The following DLC1 variants were observed in gnomAD, a reference collection of about 807,000 sequenced individuals.
DLC1 encodes rho GTPase-activating protein 7.
In DLC1, 54 loss-of-function variants were observed where a neutral mutation model predicts 140.3. The observed-to-expected ratio is 0.38, with a 90% CI of 0.31 to 0.48. The LOEUF (loss-of-function observed/expected upper bound fraction) is 0.48. DLC1 is among the 20% of genes least tolerant of loss of function. The probability of loss-of-function intolerance (pLI) is 0.96; values close to 1 mark genes in which losing one functional copy is unlikely to be tolerated. For synonymous variants in DLC1, 986 were observed against 728.1 expected (o/e 1.35, Z -5.70); for missense variants, 2,536 against 1,907.0 (o/e 1.33, Z -6.14).
intron 3 of DLC1, among the ~76,000 whole-genome samples, chr8:13,397,989 G>T (rs11784587): frequency 6.6e-6 from 1 of 151,568 alleles, no homozygotes; most frequent in Non-Finnish European, 1.5e-5. Flanking sequence ...AAATTAGCTG[G>T]GCATGGTGGT....
chr8:13,167,781 C>T (rs932948684), intron 5 of DLC1, among the ~76,000 whole-genome samples: 7 of 152,170 alleles, frequency 4.6e-5, no homozygotes, highest in African/African-American at 1.7e-4. Flanking sequence ...ATGGCATTAC[C>T]TGCATGTATT....
chr8:13,204,435 G>T (rs901880108), intron 5 of DLC1, among the ~76,000 whole-genome samples: 7 of 152,144 alleles, frequency 4.6e-5, no homozygotes, highest in Admixed American at 2.6e-4. Context: ...GTCCGCTTTA[G>T]TATTTTGCTG....
intron 5 of DLC1, among the ~76,000 whole-genome samples, chr8:13,176,437 G>C (rs1200790811): frequency 6.6e-6 from 1 of 152,120 alleles, no homozygotes; most frequent in African/African-American, 2.4e-5. Flanking sequence ...AGATTAGCTG[G>C]GAGTGGCAGC....
chr8:13,194,189 G>C (rs1019838184), intron 5 of DLC1, among the ~76,000 whole-genome samples: 2 of 152,112 alleles, frequency 1.3e-5, no homozygotes, highest in Non-Finnish European at 1.5e-5. Context: ...CATTTTTCCA[G>C]TAAACTAAGG....
At chr8:13,220,581 T>C (rs959253144) in intron 5 of DLC1, among the ~76,000 whole-genome samples, 1 of 152,176 alleles carries the variant, frequency 6.6e-6, no homozygotes, top group African/African-American at 2.4e-5. Flanking sequence ...AAATACTATT[T>C]TCCTGTGCCT....
intron 2 of DLC1, among the ~76,000 whole-genome samples, chr8:13,482,975 G>T (rs1032763468): frequency 7.2e-5 from 11 of 152,184 alleles, no homozygotes; most frequent in African/African-American, 2.4e-4. Flanking sequence ...AAACTTAACT[G>T]TTCTAAAACA....
At chr8:13,189,999 A>T (rs555110415) in intron 5 of DLC1, among the ~76,000 whole-genome samples, 1 of 152,314 alleles carries the variant, frequency 6.6e-6, no homozygotes, top group East Asian at 1.9e-4. Flanking sequence ...CAAAAGACAT[A>T]TGATGAAGCC....
intron 5 of DLC1, among the ~76,000 whole-genome samples, chr8:13,301,035 G>T (rs200339516): frequency 6.6e-6 from 1 of 152,052 alleles, no homozygotes; most frequent in Non-Finnish European, 1.5e-5. Context: ...GCCTGGGAGC[G>T]GCAGGAGAAC....
chr8:13,115,473 A>T (rs1056236210), intron 6 of DLC1, 113 bp downstream of exon 6: 74 of 899,966 alleles, frequency 8.2e-5, no homozygotes, highest in Non-Finnish European at 9.6e-5. Flanking sequence ...ATTTTTTTTA[A>T]AAATAAAACA....
At chr8:13,252,353 G>A (rs1361449987) in intron 5 of DLC1, among the ~76,000 whole-genome samples, 3 of 152,164 alleles carry the variant, frequency 2.0e-5, no homozygotes, top group Non-Finnish European at 4.4e-5. Context: ...GGCCACTCAC[G>A]TTTAGGCTTC....
intron 5 of DLC1, among the ~76,000 whole-genome samples, chr8:13,274,245 T>C (rs1831070996): frequency 6.6e-6 from 1 of 152,188 alleles, no homozygotes; most frequent in Admixed American, 6.5e-5. Context: ...CAAGTCAATC[T>C]TCATTTGACT....
Position 13,499,647 on chromosome 8 carries a change from T to G in DLC1, c.425A>C (p.Gln142Pro). The change falls in exon 2 of 18, where the codon CAA (glutamine) becomes CCA (proline). Residue 142 changes from glutamine (Q) to proline (P), a missense_variant. Gln to Pro is a moderately conservative substitution (Grantham distance 76). Coordinates refer to ENST00000276297, the MANE Select transcript of DLC1 (RefSeq NM_182643.3). Reference sequence around the variant, plus strand: ...TGCCTTTTCTAAGGAGCCTGCTCCTTGGATCATATGTTGGCCTGATGTTTT... The same window carrying G: ...TGCCTTTTCTAAGGAGCCTGCTCCTGGGATCATATGTTGGCCTGATGTTTT... ...GQKTSGQHMI[Q>P]GAGSLEKALP... 2 of 1,614,208 alleles carry G rather than the reference T, an allele frequency of 1.2e-6. No homozygotes were observed. The highest frequency in any genetic ancestry group is 1.7e-6 in the Non-Finnish European group (2 of 1,180,030).
chr8:13,129,374 T>C (rs1227777922), intron 5 of DLC1, among the ~76,000 whole-genome samples: 2 of 152,208 alleles, frequency 1.3e-5, no homozygotes, highest in Non-Finnish European at 2.9e-5. Flanking sequence ...TTGTGCTTTC[T>C]AGGACACACT....
At chr8:13,096,548 A>T (rs1818513113) in intron 10 of DLC1, among the ~76,000 whole-genome samples, 1 of 152,066 alleles carries the variant, frequency 6.6e-6, no homozygotes, top group East Asian at 1.9e-4. Flanking sequence ...GAAAAGCCCG[A>T]CGGCGGAATG....
chr8:13,358,326 A>G (rs1835045765), intron 4 of DLC1, among the ~76,000 whole-genome samples: 1 of 152,200 alleles, frequency 6.6e-6, no homozygotes, highest in Admixed American at 6.5e-5. Context: ...TTGGATGTTG[A>G]TTTCAAAATA....
intron 5 of DLC1, among the ~76,000 whole-genome samples, chr8:13,186,270 C>T (rs1317977999): frequency 6.6e-6 from 1 of 152,194 alleles, no homozygotes. Flanking sequence ...TTCTGCCCAT[C>T]ACTTTCGGGT....
At chr8:13,446,136 T>A (rs149549273) in intron 2 of DLC1, among the ~76,000 whole-genome samples, 1 of 152,246 alleles carries the variant, frequency 6.6e-6, no homozygotes, top group African/African-American at 2.4e-5. Context: ...TCTCCCCCCC[T>A]CTGTGTTCCT....
At chr8:13,295,322 T>C (rs1586085865) in intron 5 of DLC1, among the ~76,000 whole-genome samples, 1 of 152,368 alleles carries the variant, frequency 6.6e-6, no homozygotes, top group South Asian at 2.1e-4. Context: ...TATGTGTGCA[T>C]CAGCACTCTT....
intron 2 of DLC1, among the ~76,000 whole-genome samples, chr8:13,428,204 T>A (rs1190525048): frequency 6.6e-6 from 1 of 152,202 alleles, no homozygotes; most frequent in African/African-American, 2.4e-5. Flanking sequence ...GTACCTTCAC[T>A]GGGTCCACAG....
Sources: gnomAD v4.1 joint callset for allele counts (sites outside exome capture counted in the v4.1 genomes callset) on GRCh38, gnomAD v4.1.1 for gene constraint, MANE v1.5 for transcripts, NCBI Gene and HGNC (gene_info 2026-07-23, HGNC 2026-07-21) for gene names.